Variants in RET observed in about 807,000 individuals in gnomAD.
The protein encoded by RET is proto-oncogene tyrosine-protein kinase receptor Ret.
In RET, 19 loss-of-function variants were observed where a neutral mutation model predicts 118.3. The observed-to-expected ratio is 0.16, with a 90% CI of 0.11 to 0.24. The LOEUF (loss-of-function observed/expected upper bound fraction) is 0.24. Ranked by LOEUF, RET falls within the 10% of genes least tolerant of loss-of-function variation. RET has a pLI of 1.00. For synonymous variants in RET, 597 were observed against 644.1 expected (o/e 0.93, Z 1.11); for missense variants, 1,219 against 1,502.1 (o/e 0.81, Z 3.12).
At chr10:43,101,977 C>A (rs117421586) in intron 2 of RET, among the ~76,000 whole-genome samples, 1 of 151,666 alleles carries the variant, frequency 6.6e-6, no homozygotes, top group Non-Finnish European at 1.5e-5. Flanking sequence ...AGTATGTCTG[C>A]GGCCACTCCA....
At position 43,119,580 on chromosome 10, in the gene RET, C is replaced by A. The variant is rs2132944295; in HGVS notation, c.2442C>A (p.Gly814=). 1.9e-6 allele frequency: 3 copies of A among 1,611,116 alleles called. No homozygotes were observed. The South Asian group carries it at 3.3e-5, about 18-fold the overall frequency. The part of the protein sequence containing the change: ...VEYAKYGSLR[G]FLRESRKVGP... Reference sequence around the variant, plus strand: ...ACGCCAAATACGGCTCCCTGCGGGGCTTCCTCCGCGAGAGCCGCAAAGTGG... The same window carrying A: ...ACGCCAAATACGGCTCCCTGCGGGGATTCCTCCGCGAGAGCCGCAAAGTGG... Residue 814 remains glycine (G), a synonymous_variant, in exon 14 of 20, where the codon GGC becomes GGA. Coordinates refer to ENST00000355710, the MANE Select transcript of RET (RefSeq NM_020975.6).
intron 1 of RET, among the ~76,000 whole-genome samples, chr10:43,080,140 C>T (rs1165458433): frequency 2.6e-5 from 4 of 152,306 alleles, no homozygotes; most frequent in South Asian, 2.1e-4. Flanking sequence ...AAATGGGATG[C>T]GATCACCTAG....
intron 19 of RET, chr10:43,127,588 A>T: frequency 3.2e-6 from 2 of 616,550 alleles, no homozygotes; most frequent in Non-Finnish European, 4.1e-6. Flanking sequence ...TTCCTTTTGC[A>T]TGCCTCCTGA....
At chr10:43,112,056 C>T (rs555996924) in intron 7 of RET, 43 bp from the exon 8 acceptor site, 4 of 1,570,790 alleles carry the variant, frequency 2.5e-6, no homozygotes, top group African/African-American at 1.3e-5. Flanking sequence ...GGACGCTGGG[C>T]CCAGGCCAGC....
intron 16 of RET, 91 bp from the exon 17 acceptor site, chr10:43,123,580 G>T: frequency 6.5e-7 from 1 of 1,548,994 alleles, no homozygotes; most frequent in Non-Finnish European, 8.9e-7. Context: ...GGGTCAGCAG[G>T]TGCTTGGTGG....
In RET at chr10:43,126,667, T is replaced by C; in HGVS notation, c.3132T>C (p.Asn1044=). ...SEEETPLVDC[N]NAPLPRALPS... ...AGGAGACACCGCTGGTGGACTGTAATAATGCCCCCCTCCCTCGAGCCCTCC... is the reference window on the plus strand; with the variant it reads ...AGGAGACACCGCTGGTGGACTGTAACAATGCCCCCCTCCCTCGAGCCCTCC... Residue 1044 remains asparagine (N), a synonymous_variant, in exon 19 of 20, where the codon AAT becomes AAC. Transcript: ENST00000355710. 6.2e-7 allele frequency: 1 copy of C among 1,614,096 alleles called. No individual in the cohort carries two copies. Among genetic ancestry groups the C allele is most frequent in the Non-Finnish European group, 8.5e-7 (1 of 1,180,018 alleles).
Position 43,129,443 on chromosome 10 carries a change from A to T in RET, c.*1174A>T, listed in dbSNP as rs1838401867. 4 of 233,634 alleles carry T rather than the reference A, an allele frequency of 1.7e-5. No individual in the cohort carries two copies. In the South Asian group the frequency reaches 5.4e-4, roughly 32 times the overall value. The allele number at this position is 233,634 out of a possible 1,614,324, so 14.5% of individuals were successfully genotyped here. A position where few individuals can be genotyped will look rare whatever the true frequency, so the allele number is the denominator to read the frequency against. ...GTTTGTAATTTAATGCTGCTACAAG[A>T]TGTTTCTGTTTCTTAGATTCTGACC... On this transcript the variant is annotated 3_prime_UTR_variant, in exon 20 of 20. Transcript: ENST00000355710.
In RET at chr10:43,102,827, G is replaced by A. The variant is rs577262872; in HGVS notation, c.625+198G>A. On this transcript the variant is annotated intron_variant, in intron 3 of 19. Coordinates refer to ENST00000355710, the MANE Select transcript of RET (RefSeq NM_020975.6). Reference sequence around the variant, plus strand: ...CTAAGGATATAACAATGAACACAACGGGTTGGAATCTTGCCTGCCTGCAGC... The same window carrying A: ...CTAAGGATATAACAATGAACACAACAGGTTGGAATCTTGCCTGCCTGCAGC... 3.2e-4 allele frequency: 213 copies of A among 661,172 alleles called. 1 individual carries two copies. Among genetic ancestry groups the A allele is most frequent in the African/African-American group, 3.1e-3 (170 of 55,282 alleles). 41.0% of individuals were successfully genotyped at this position (661,172 alleles called of 1,614,324 possible).
chr10:43,109,584 G>A (rs1256292196), intron 6 of RET, among the ~76,000 whole-genome samples: 7 of 152,206 alleles, frequency 4.6e-5, no homozygotes, highest in African/African-American at 1.4e-4. Flanking sequence ...TTGGTCCCAC[G>A]TGACTCCCTT....
chr10:43,080,801 A>G (rs2435364), intron 1 of RET, among the ~76,000 whole-genome samples: 57,087 of 152,234 alleles, frequency 0.37, 10,851 homozygotes, highest in South Asian at 0.42. Context: ...CTGTGCCAGC[A>G]GAAGGGCCGA....
At chr10:43,098,573 C>T (rs913711973) in intron 1 of RET, among the ~76,000 whole-genome samples, 1 of 152,276 alleles carries the variant, frequency 6.6e-6, no homozygotes, top group Non-Finnish European at 1.5e-5. Context: ...AGGCGCCCGC[C>T]TTCATGCCCA....
rs146623661 is a variant in RET, at chr10:43,106,313, G to C, written c.868-63G>C. ...GGACGTGCAGCATTCTAAGGTCTCT[G>C]GTTTTGGGGGGTCTGAGGGGCCCAT... On this transcript the variant is annotated intron_variant, in intron 4 of 19. Transcript: ENST00000355710. This position sits in a 1 kb window ranked among gnomAD's most constrained non-coding sequence, Gnocchi z 5.1. 11,225 of 1,512,784 alleles carry C rather than the reference G, an allele frequency of 7.4e-3. 70 individuals carry two copies. The highest frequency in any genetic ancestry group is 0.016 in the South Asian group (1,384 of 88,042). The allele number at this position is 1,512,784 out of a possible 1,614,324, so 93.7% of individuals were successfully genotyped here. A position where few individuals can be genotyped will look rare whatever the true frequency, so the allele number is the denominator to read the frequency against.
rs1554817979 is a variant in RET at position 43,106,428 on chromosome 10, C to T, written c.920C>T (p.Ser307Leu). Residue 307 changes from serine to leucine, a missense_variant, in exon 5 of 20, where the codon TCA becomes TTA. By Grantham distance (145) the Ser-to-Leu change is moderately radical. Transcript: ENST00000355710. The surrounding 1 kb of genome is among the most constrained non-coding windows in gnomAD (Gnocchi z 5.1). ...RVFDADVVPA[S>L]GELVRRYTST... ...TTCGATGCAGACGTGGTACCTGCAT[C>T]AGGGGAGCTGGTGAGGCGGTACACA... 1 of 1,613,504 alleles carries T rather than the reference C, an allele frequency of 6.2e-7. No homozygotes were observed. Among genetic ancestry groups the T allele is most frequent in the Non-Finnish European group, 8.5e-7 (1 of 1,179,876 alleles).
At position 43,126,684 on chromosome 10, in the gene RET, G is replaced by A. The variant is rs200956659; in HGVS notation, c.3149G>A (p.Arg1050Gln). 2.6e-5 allele frequency: 42 copies of A among 1,613,850 alleles called. No homozygotes were observed. The highest frequency in any genetic ancestry group is 1.7e-4 in the Admixed American group (10 of 60,000). ...GACTGTAATAATGCCCCCCTCCCTCGAGCCCTCCCTTCCACATGGATTGAA... is the reference window on the plus strand; with the variant it reads ...GACTGTAATAATGCCCCCCTCCCTCAAGCCCTCCCTTCCACATGGATTGAA... The part of the protein sequence containing the change: ...LVDCNNAPLP[R>Q]ALPSTWIENK... Residue 1050 changes from arginine to glutamine, a missense_variant, in exon 19 of 20, where the codon CGA becomes CAA. Arg to Gln is a conservative substitution (Grantham distance 43, BLOSUM62 1). Coordinates refer to ENST00000355710, the MANE Select transcript of RET (RefSeq NM_020975.6).
chr10:43,083,828 T>C (rs1837236881), intron 1 of RET, among the ~76,000 whole-genome samples: 1 of 152,256 alleles, frequency 6.6e-6, no homozygotes, highest in Non-Finnish European at 1.5e-5. Flanking sequence ...CATTTATAAG[T>C]GAACCATTTG....
chr10:43,121,089 G>T (rs1488598968), intron 15 of RET, among the ~76,000 whole-genome samples: 2 of 152,212 alleles, frequency 1.3e-5, no homozygotes, highest in Non-Finnish European at 2.9e-5. Context: ...AACTGCTGTG[G>T]GGGGAAGTGG....
chr10:43,100,210 C>T (rs1168979885), intron 1 of RET, among the ~76,000 whole-genome samples: 1 of 152,192 alleles, frequency 6.6e-6, no homozygotes, highest in East Asian at 1.9e-4. Context: ...GCCCTTCCGG[C>T]TTGGATGATT....
Position 43,100,455 on chromosome 10 carries a change from A to C in RET, c.74-4A>C, listed in dbSNP as rs1837612612. The stretch of plus-strand genomic sequence containing the variant: ...TCCCTCACTCACTTCCCTACTTCCC[A>C]CAGTGGCATTGGGCCTCTACTTCTC... On this transcript the variant is annotated splice_polypyrimidine_tract_variant and splice_region_variant and intron_variant, in intron 1 of 19. Transcript: ENST00000355710. The C allele has an allele frequency of 6.2e-7, 1 of 1,609,096 alleles. No homozygotes were observed. The highest frequency in any genetic ancestry group is 1.4e-5 in the African/African-American group (1 of 73,332).
At chr10:43,096,670 G>A (rs763284453) in intron 1 of RET, among the ~76,000 whole-genome samples, 21 of 152,206 alleles carry the variant, frequency 1.4e-4, no homozygotes, top group Middle Eastern at 3.2e-3. Context: ...TGCACAGTCC[G>A]GTGGTTCCTG....
Sources: gnomAD v4.1 joint callset for allele counts (sites outside exome capture counted in the v4.1 genomes callset) on GRCh38, gnomAD v4.1.1 for gene constraint, Gnocchi (gnomAD v3.1) non-coding constraint, MANE v1.5 for transcripts, NCBI Gene and HGNC (gene_info 2026-07-23, HGNC 2026-07-21) for gene names.